The following RCAN2 variants were observed in gnomAD, a reference collection of about 807,000 sequenced individuals.
RCAN2 encodes regulator of calcineurin 2, also known as calcipressin-2.
RCAN2 carries 9 observed loss-of-function variants against 23.6 expected under a neutral mutation model. The ratio of observed to expected loss-of-function variants is 0.38; its 90% CI spans 0.23 to 0.67. The LOEUF is 0.67. Among genes scored for constraint, RCAN2 ranks in the 30% least tolerant of loss-of-function variants. The pLI is 0.51. For synonymous variants in RCAN2, 109 were observed against 115.7 expected (o/e 0.94, Z 0.37); for missense variants, 273 against 302.3 (o/e 0.90, Z 0.72).
At chr6:46,326,869 G>A (rs1763810505) in intron 2 of RCAN2, among the ~76,000 whole-genome samples, 1 of 152,192 alleles carries the variant, frequency 6.6e-6, no homozygotes, top group Non-Finnish European at 1.5e-5. Context: ...GTACACTTGA[G>A]TCCAATGTTC....
intron 2 of RCAN2, among the ~76,000 whole-genome samples, chr6:46,403,205 T>G (rs1444005596): frequency 6.6e-6 from 1 of 152,044 alleles, no homozygotes; most frequent in Non-Finnish European, 1.5e-5. Flanking sequence ...GACCTTGTGA[T>G]CCGCCCACCT....
chr6:46,252,352 T>C (rs1766759142), intron 2 of RCAN2, among the ~76,000 whole-genome samples: 1 of 152,204 alleles, frequency 6.6e-6, no homozygotes, highest in Non-Finnish European at 1.5e-5. Context: ...CCCATTTTTC[T>C]CCAGTTGTGT....
At chr6:46,281,055 T>C (rs1172991015) in intron 2 of RCAN2, among the ~76,000 whole-genome samples, 3 of 152,164 alleles carry the variant, frequency 2.0e-5, no homozygotes, top group Non-Finnish European at 2.9e-5. Context: ...GTTACTTCTT[T>C]AGTTGTTGGT....
chr6:46,225,160 C>A (rs955023736), intron 4 of RCAN2, among the ~76,000 whole-genome samples: 27 of 152,222 alleles, frequency 1.8e-4, no homozygotes, highest in African/African-American at 5.5e-4. Flanking sequence ...TATGTGCCAC[C>A]TTTTCTTAAT....
intron 2 of RCAN2, among the ~76,000 whole-genome samples, chr6:46,314,980 G>A: frequency 6.6e-6 from 1 of 152,194 alleles, no homozygotes; most frequent in Middle Eastern, 3.2e-3. Context: ...AGCATCACTT[G>A]AGCCCAGGAA....
intron 4 of RCAN2, among the ~76,000 whole-genome samples, chr6:46,241,023 T>C (rs1388674605): frequency 2.0e-5 from 3 of 152,234 alleles, no homozygotes; most frequent in Non-Finnish European, 4.4e-5. Context: ...TGACTTTTCA[T>C]ATCGCTCCCT....
chr6:46,223,295 T>C lies in RCAN2; in HGVS notation c.578A>G (p.Lys193Arg). ...YAVAKLGPGE[K>R]YELHAGTEST... ...CTCAGTCCCTGCATGGAGCTCATAC[T>C]TCTCTCCTGAAAAGCAAGAAAAATG... The change falls in exon 5 of 5, where the codon AAG becomes AGG. Residue 193 changes from lysine (K) to arginine (R), a missense_variant. Physicochemically the swap from Lys to Arg is conservative, Grantham distance 26 (BLOSUM62 2). Coordinates refer to ENST00000371374, the MANE Select transcript of RCAN2 (RefSeq NM_001251974.2). The C allele has an allele frequency of 6.2e-7, 1 of 1,612,744 alleles. No homozygotes were observed. The highest frequency in any genetic ancestry group is 8.5e-7 in the Non-Finnish European group (1 of 1,179,504).
At chr6:46,231,272 A>C (rs1002381748) in intron 4 of RCAN2, among the ~76,000 whole-genome samples, 6 of 152,148 alleles carry the variant, frequency 3.9e-5, no homozygotes, top group African/African-American at 9.7e-5. Context: ...GAACTACCCA[A>C]AGCTACGACA....
rs188929268 is a variant in RCAN2, at chr6:46,285,180, G to A, written c.226-36284C>T. On this transcript the variant is annotated intron_variant, in intron 2 of 4. Coordinates refer to ENST00000371374, the MANE Select transcript of RCAN2 (RefSeq NM_001251974.2). ...AATCTCTAGTTATGTGTGTGTATGC[G>A]TAAAATTATGCAACATGTAATGTTC... Among the ~76,000 whole-genome samples the A allele has an allele frequency of 5.3e-5, 8 of 152,282 alleles. No individual in the cohort carries two copies. In the East Asian group the frequency reaches 9.6e-4, roughly 18 times the overall value.
At chr6:46,251,912 C>A in intron 2 of RCAN2, among the ~76,000 whole-genome samples, 1 of 152,112 alleles carries the variant, frequency 6.6e-6, no homozygotes, top group South Asian at 2.1e-4. Context: ...GCTCTTGCAC[C>A]AAACCTGGGG....
chr6:46,394,294 T>C (rs953919407), intron 2 of RCAN2, among the ~76,000 whole-genome samples: 2 of 152,130 alleles, frequency 1.3e-5, no homozygotes, highest in African/African-American at 4.8e-5. Context: ...AATACAAAGG[T>C]CTTAACTGAA....
intron 2 of RCAN2, among the ~76,000 whole-genome samples, chr6:46,415,306 T>C (rs1766677014): frequency 6.6e-6 from 1 of 152,168 alleles, no homozygotes; most frequent in African/African-American, 2.4e-5. Flanking sequence ...ATTTGAGGAT[T>C]GAATGGACAG....
At chr6:46,403,831 T>C (rs765761547) in intron 2 of RCAN2, among the ~76,000 whole-genome samples, 1 of 152,112 alleles carries the variant, frequency 6.6e-6, no homozygotes, top group Non-Finnish European at 1.5e-5. Flanking sequence ...CCTTGGATAA[T>C]TGTAGAGTGT....
intron 2 of RCAN2, among the ~76,000 whole-genome samples, chr6:46,380,523 T>A (rs1196330907): frequency 6.6e-6 from 1 of 152,092 alleles, no homozygotes; most frequent in African/African-American, 2.4e-5. Context: ...TAAAGCAAGT[T>A]CTAGGCCCCT....
intron 2 of RCAN2, among the ~76,000 whole-genome samples, chr6:46,333,995 T>C (rs896811964): frequency 6.6e-6 from 1 of 152,188 alleles, no homozygotes; most frequent in Non-Finnish European, 1.5e-5. Context: ...CTTGAGTCTG[T>C]CCATCACATG....
chr6:46,459,138 T>TC (rs1302606716), intron 1 of RCAN2, among the ~76,000 whole-genome samples: 1 of 152,200 alleles, frequency 6.6e-6, no homozygotes, highest in Non-Finnish European at 1.5e-5. Flanking sequence ...CCTCAGGTGA[T>TC]CCACCCACCT....
chr6:46,403,244 C>T (rs998225821), intron 2 of RCAN2, among the ~76,000 whole-genome samples: 16 of 151,994 alleles, frequency 1.1e-4, no homozygotes, highest in Admixed American at 4.6e-4. Flanking sequence ...GGATTGTAGG[C>T]GTGAGCCACC....
intron 2 of RCAN2, among the ~76,000 whole-genome samples, chr6:46,429,714 G>A (rs1767132691): frequency 6.6e-6 from 1 of 152,010 alleles, no homozygotes; most frequent in Non-Finnish European, 1.5e-5. Context: ...TGGACCCTAG[G>A]GTCTAATGTG....
At chr6:46,296,404 C>T (rs1762731575) in intron 2 of RCAN2, among the ~76,000 whole-genome samples, 1 of 152,058 alleles carries the variant, frequency 6.6e-6, no homozygotes, top group Admixed American at 6.6e-5. Flanking sequence ...CACATATTCC[C>T]TTCTGACTTA....
Sources: allele counts gnomAD v4.1 joint callset (sites outside exome capture counted in the v4.1 genomes callset), GRCh38; gene constraint gnomAD v4.1.1; transcripts MANE v1.5; gene names NCBI Gene and HGNC (gene_info 2026-07-23, HGNC 2026-07-21).